Variants in CACNA2D3 observed in about 807,000 individuals in gnomAD.
CACNA2D3 encodes the protein calcium voltage-gated channel auxiliary subunit alpha2delta 3.
A neutral mutation model predicts 160.6 loss-of-function variants in CACNA2D3; 60 were observed. The observed-to-expected ratio is 0.37, with a 90% CI of 0.30 to 0.46. The LOEUF (loss-of-function observed/expected upper bound fraction) is 0.46, where lower values mean the gene tolerates loss of function less well. Ranked by LOEUF, CACNA2D3 falls within the 20% of genes least tolerant of loss-of-function variation. The pLI, the probability that CACNA2D3 is intolerant of heterozygous loss-of-function variation, is 1.00. For synonymous variants in CACNA2D3, 558 were observed against 492.9 expected (o/e 1.13, Z -1.75); for missense variants, 1,205 against 1,365.0 (o/e 0.88, Z 1.85).
intron 4 of CACNA2D3, among the ~76,000 whole-genome samples, chr3:54,500,776 A>G (rs1227638793): frequency 6.6e-6 from 1 of 152,150 alleles, no homozygotes; most frequent in Non-Finnish European, 1.5e-5. Flanking sequence ...AACTAATTTA[A>G]GTCCACTTCA....
chr3:54,244,749 A>G (rs528570792), intron 2 of CACNA2D3, among the ~76,000 whole-genome samples: 2 of 152,390 alleles, frequency 1.3e-5, no homozygotes, highest in African/African-American at 4.8e-5. Flanking sequence ...GCAATTTGCA[A>G]GACTTTAGCT....
intron 27 of CACNA2D3, among the ~76,000 whole-genome samples, chr3:54,902,129 C>T (rs991692249): frequency 6.6e-6 from 1 of 152,124 alleles, no homozygotes; most frequent in African/African-American, 2.4e-5. Context: ...TGTTAGGTCT[C>T]AATGAAATCC....
At chr3:54,918,987 T>C in intron 27 of CACNA2D3, 1 of 989,888 alleles carries the variant, frequency 1.0e-6, no homozygotes, top group Non-Finnish European at 1.4e-6. Context: ...ATGGAATTTA[T>C]GAAGTACCTT....
At chr3:54,935,450 A>T (rs540655440) in intron 27 of CACNA2D3, among the ~76,000 whole-genome samples, 1 of 152,368 alleles carries the variant, frequency 6.6e-6, no homozygotes, top group East Asian at 1.9e-4. Flanking sequence ...GCTAGTTGAC[A>T]TAAAGTTAAT....
rs374698910 is a variant in CACNA2D3, at chr3:54,952,721, G to A, written c.2450-15729G>A. On this transcript the variant is annotated intron_variant, in intron 27 of 37. Transcript: ENST00000474759. The stretch of plus-strand genomic sequence containing the variant: ...CCCGCATAGTTCCCTCCAGCTTCCA[G>A]ATGGGAAAGCTCTCTCATCTGTTTT... Among the ~76,000 whole-genome samples the A allele has an allele frequency of 1.1e-4, 16 of 152,304 alleles. No individual in the cohort carries two copies. In the East Asian group the frequency reaches 2.7e-3, roughly 26 times the overall value.
chr3:54,242,677 G>A (rs747834679), intron 2 of CACNA2D3, among the ~76,000 whole-genome samples: 4 of 152,170 alleles, frequency 2.6e-5, no homozygotes, highest in Non-Finnish European at 4.4e-5. Context: ...AGACGATTCA[G>A]GTCCTGGGTG....
intron 13 of CACNA2D3, among the ~76,000 whole-genome samples, chr3:54,808,359 A>C (rs1005871649): frequency 6.6e-6 from 1 of 152,132 alleles, no homozygotes; most frequent in Non-Finnish European, 1.5e-5. Context: ...TGTCACTGCC[A>C]TGCCCTCCCT....
chr3:54,889,845 G>A (rs1700015678), intron 24 of CACNA2D3, among the ~76,000 whole-genome samples: 1 of 152,090 alleles, frequency 6.6e-6, no homozygotes, highest in South Asian at 2.1e-4. Context: ...TTTCTTTTCG[G>A]CTCTCATGAA....
At chr3:54,859,971 T>TGCGCGCGCGC (rs141605463) in intron 17 of CACNA2D3, among the ~76,000 whole-genome samples, 2 of 61,174 alleles carry the variant, frequency 3.3e-5, no homozygotes, top group African/African-American at 1.9e-4. Context: ...GGAAAGTAGA[T>TGCGCGCGCGC]GCACACACAC....
chr3:54,658,860 C>A (rs758590802), intron 11 of CACNA2D3, among the ~76,000 whole-genome samples: 2 of 152,002 alleles, frequency 1.3e-5, no homozygotes, highest in African/African-American at 4.8e-5. Context: ...GTGATGGGTG[C>A]CTGTTCCCTG....
At chr3:54,450,674 G>A (rs1201661094) in intron 4 of CACNA2D3, among the ~76,000 whole-genome samples, 1 of 152,062 alleles carries the variant, frequency 6.6e-6, no homozygotes, top group Non-Finnish European at 1.5e-5. Context: ...CACTGCACAC[G>A]CTGGCTCCCC....
intron 14 of CACNA2D3, among the ~76,000 whole-genome samples, chr3:54,826,853 A>G (rs1377449608): frequency 6.6e-6 from 1 of 152,134 alleles, no homozygotes; most frequent in East Asian, 1.9e-4. Context: ...CAGGAGATAG[A>G]TGAAGTTCAA....
rs78868097 is a variant in CACNA2D3 at position 54,522,424 on chromosome 3, T to G, written c.544+18770T>G. On this transcript the variant is annotated intron_variant, in intron 5 of 37. Coordinates refer to ENST00000474759, the MANE Select transcript of CACNA2D3 (RefSeq NM_018398.3). ...GTTTATTAGTTGTAATAGTTTTTTATTGGGTTTCTTAGGAATTTCTATGTA... is the reference window on the plus strand; with the variant it reads ...GTTTATTAGTTGTAATAGTTTTTTAGTGGGTTTCTTAGGAATTTCTATGTA... Among the ~76,000 whole-genome samples, 1,482 of 152,298 alleles carry G rather than the reference T, an allele frequency of 9.7e-3. 30 individuals carry two copies. Among genetic ancestry groups the G allele is most frequent in the African/African-American group, 0.034 (1,407 of 41,560 alleles).
intron 3 of CACNA2D3, among the ~76,000 whole-genome samples, chr3:54,372,124 C>A (rs768511959): frequency 6.6e-6 from 1 of 152,138 alleles, no homozygotes; most frequent in Non-Finnish European, 1.5e-5. Flanking sequence ...TCTTAGCCAG[C>A]GCCTCAGAGT....
chr3:54,587,086 A>G (rs1702775719), intron 9 of CACNA2D3, among the ~76,000 whole-genome samples: 1 of 152,024 alleles, frequency 6.6e-6, no homozygotes, highest in Admixed American at 6.6e-5. Context: ...TGAAGTTTCC[A>G]CCTCAAGAAA....
intron 9 of CACNA2D3, among the ~76,000 whole-genome samples, chr3:54,604,793 G>A (rs182538195): frequency 2.8e-4 from 42 of 152,216 alleles, no homozygotes; most frequent in Admixed American, 1.6e-3. Context: ...TATTCTCCAC[G>A]CAAGAGACAG....
chr3:54,736,835 T>A (rs1403679268), intron 11 of CACNA2D3, among the ~76,000 whole-genome samples: 3 of 152,224 alleles, frequency 2.0e-5, no homozygotes, highest in Admixed American at 2.0e-4. Context: ...ATCATTTGCC[T>A]GCTGTGTGAC....
At chr3:54,428,444 G>A (rs1699940541) in intron 4 of CACNA2D3, among the ~76,000 whole-genome samples, 1 of 152,164 alleles carries the variant, frequency 6.6e-6, no homozygotes, top group Non-Finnish European at 1.5e-5. Flanking sequence ...GCTGCAGCCA[G>A]ACACCATAAT....
At chr3:54,207,191 A>G (rs1559882474) in intron 2 of CACNA2D3, among the ~76,000 whole-genome samples, 1 of 151,324 alleles carries the variant, frequency 6.6e-6, no homozygotes, top group East Asian at 2.0e-4. Context: ...GTCTGCCACA[A>G]GAGCTAATAT....
Sources: gnomAD v4.1 joint callset for allele counts (sites outside exome capture counted in the v4.1 genomes callset) on GRCh38, gnomAD v4.1.1 for gene constraint, MANE v1.5 for transcripts, NCBI Gene and HGNC (gene_info 2026-07-23, HGNC 2026-07-21) for gene names.